The following ITGB3 variants were observed in gnomAD, a reference collection of about 807,000 sequenced individuals.
The protein encoded by ITGB3 is integrin beta-3.
In ITGB3, 48 loss-of-function variants were observed where a neutral mutation model predicts 85.8. The observed-to-expected ratio is 0.56, with a 90% confidence interval of 0.44 to 0.71. The LOEUF is 0.71. Ranked by LOEUF, ITGB3 falls within the 30% of genes least tolerant of loss-of-function variation. The pLI is 0.00. For synonymous variants in ITGB3, 363 were observed against 395.6 expected (o/e 0.92, Z 0.98); for missense variants, 861 against 1,019.1 (o/e 0.84, Z 2.11).
At chr17:47,253,966 G>A (rs1850463839) in intron 1 of ITGB3, 26 bp downstream of exon 1, 2 of 1,362,606 alleles carry the variant, frequency 1.5e-6, no homozygotes, top group Non-Finnish European at 1.9e-6. Flanking sequence ...GCTCGGCAGC[G>A]TCGCAGCTGC....
At chr17:47,290,411 A>G (rs2065120459) in intron 8 of ITGB3, 137 bp downstream of exon 8, 6 of 787,522 alleles carry the variant, frequency 7.6e-6, no homozygotes, top group African/African-American at 1.7e-5. Context: ...CCCAGAGCCC[A>G]GGCAATGGCC....
chr17:47,283,547 C>G lies in ITGB3; in HGVS notation c.359C>G (p.Pro120Arg). The G allele has an allele frequency of 1.2e-6, 2 of 1,614,144 alleles. No homozygotes were observed. The highest frequency in any genetic ancestry group is 1.7e-6 in the Non-Finnish European group (2 of 1,180,016). The change falls in exon 3 of 15, where the codon CCA becomes CGA. Residue 120 changes from proline to arginine, a missense_variant and splice_region_variant. Coordinates refer to ENST00000559488, the MANE Select transcript of ITGB3 (RefSeq NM_000212.3). Reference sequence around the variant, plus strand: ...CAGAGGATTGCACTCCGGCTCCGGCCAGGTAGGGCTGGGACTCTTTGCGGG... The same window carrying G: ...CAGAGGATTGCACTCCGGCTCCGGCGAGGTAGGGCTGGGACTCTTTGCGGG... ...SPQRIALRLR[P>R]DDSKNFSIQV...
chr17:47,313,456 C>T lies in ITGB3; in HGVS notation c.*3252C>T, dbSNP rs1004096548. Among the ~76,000 whole-genome samples, 3 of 150,422 alleles carry T rather than the reference C, an allele frequency of 2.0e-5. No individual in the cohort carries two copies. The highest frequency in any genetic ancestry group is 7.3e-5 in the African/African-American group (3 of 40,868). The stretch of plus-strand genomic sequence containing the variant: ...TCGCCTCCCGGGTTCACGCCATTCT[C>T]CTGCCTCAGCCTCCCGAGTAGCTGG... On this transcript the variant is annotated 3_prime_UTR_variant, in exon 15 of 15. Coordinates refer to ENST00000559488, the MANE Select transcript of ITGB3 (RefSeq NM_000212.3).
Position 47,313,134 on chromosome 17 carries a change from C to T in ITGB3, c.*2930C>T, listed in dbSNP as rs555188719. On this transcript the variant is annotated 3_prime_UTR_variant, in exon 15 of 15. Transcript: ENST00000559488. ...GATTACAGGCACCCGCCACCACACC[C>T]GGCTAATTTTTGTATTTTTAGTAGA... Among the ~76,000 whole-genome samples, 50 of 148,690 alleles carry T rather than the reference C, an allele frequency of 3.4e-4. No homozygotes were observed. The highest frequency in any genetic ancestry group is 3.8e-3 in the Middle Eastern group (1 of 264).
chr17:47,260,899 G>A (rs4060813), intron 1 of ITGB3, among the ~76,000 whole-genome samples: 19,701 of 151,738 alleles, frequency 0.13, 1,621 homozygotes, highest in East Asian at 0.3. Context: ...AAATATGTGC[G>A]CATTGTGGAA....
At chr17:47,283,245 C>T in intron 2 of ITGB3, 109 bp from the exon 3 acceptor site, 1 of 1,020,134 alleles carries the variant, frequency 9.8e-7, no homozygotes, top group Non-Finnish European at 1.5e-6. Flanking sequence ...GTTTATGCTC[C>T]AATGTACGGG....
chr17:47,309,994 A>G, intron 14 of ITGB3, 145 bp from the exon 15 acceptor site: 1 of 730,492 alleles, frequency 1.4e-6, no homozygotes, highest in Non-Finnish European at 2.4e-6. Context: ...CTAAAGTGTG[A>G]GCAAAATGAA....
At chr17:47,289,275 T>G (rs1054254357) in intron 6 of ITGB3, among the ~76,000 whole-genome samples, 1 of 152,140 alleles carries the variant, frequency 6.6e-6, no homozygotes, top group Non-Finnish European at 1.5e-5. Flanking sequence ...CGTCTATCCC[T>G]GGAGTTCACA....
intron 12 of ITGB3, among the ~76,000 whole-genome samples, chr17:47,302,373 T>C (rs559525682): frequency 4.3e-4 from 65 of 152,306 alleles, no homozygotes; most frequent in African/African-American, 1.5e-3. Context: ...ATTTTCTTTT[T>C]ATAGATGAAG....
Position 47,310,247 on chromosome 17 carries a change from A to G in ITGB3, c.*43A>G. On this transcript the variant is annotated 3_prime_UTR_variant, in exon 15 of 15. Transcript: ENST00000559488. Reference sequence around the variant, plus strand: ...CAGATCATTATCAGCCTGTGCCACGATTGCAGGAGTCCCTGCCATCATGTT... The same window carrying G: ...CAGATCATTATCAGCCTGTGCCACGGTTGCAGGAGTCCCTGCCATCATGTT... 1 of 1,553,904 alleles carries G rather than the reference A, an allele frequency of 6.4e-7. No homozygotes were observed. Among genetic ancestry groups the G allele is most frequent in the Non-Finnish European group, 8.9e-7 (1 of 1,125,512 alleles).
rs2065225725 is a variant in ITGB3 at position 47,313,725 on chromosome 17, AT to A, written c.*3522del. On this transcript the variant is annotated 3_prime_UTR_variant, in exon 15 of 15. Coordinates refer to ENST00000559488, the MANE Select transcript of ITGB3 (RefSeq NM_000212.3). ...TTGGGTTTGTGCAACAGTAAATTAA[AT>A]GTACTTTCCAAAAAGAATTGGCCTA... is the stretch of plus-strand genomic sequence containing the variant. Among the ~76,000 whole-genome samples, 1 of 152,152 alleles carries A rather than the reference AT, an allele frequency of 6.6e-6. No individual in the cohort carries two copies. The highest frequency in any genetic ancestry group is 1.5e-5 in the Non-Finnish European group (1 of 68,024).
intron 2 of ITGB3, among the ~76,000 whole-genome samples, chr17:47,282,075 A>G (rs2065085658): frequency 6.6e-6 from 1 of 151,970 alleles, no homozygotes; most frequent in Admixed American, 6.6e-5. Flanking sequence ...CCGTCTCCCA[A>G]GTAGCTGGGA....
At position 47,299,371 on chromosome 17, in the gene ITGB3, A is replaced by G. The variant is rs769897880; in HGVS notation, c.1754A>G (p.Asn585Ser). Residue 585 changes from asparagine to serine, a missense_variant, in exon 11 of 15, where the codon AAC becomes AGC. Physicochemically the swap from Asn to Ser is conservative, Grantham distance 46 (BLOSUM62 1). Transcript: ENST00000559488. This position sits in a 1 kb window ranked among gnomAD's most constrained non-coding sequence, Gnocchi z 5.1. ...TCCGACTGGACCGGCTACTACTGCA[A>G]CTGTACCACGCGTACTGACACCTGC... ...CDSDWTGYYC[N>S]CTTRTDTCMS... The G allele has an allele frequency of 3.7e-6, 6 of 1,614,218 alleles. No individual in the cohort carries two copies. Among genetic ancestry groups the G allele is most frequent in the East Asian group, 2.2e-5 (1 of 44,886 alleles).
intron 2 of ITGB3, among the ~76,000 whole-genome samples, chr17:47,283,026 C>T (rs2065089221): frequency 2.0e-5 from 3 of 152,114 alleles, no homozygotes; most frequent in African/African-American, 7.2e-5. Context: ...CTAGCTACAA[C>T]TCCATGAATA....
chr17:47,285,505 C>A (rs938096248), intron 4 of ITGB3, among the ~76,000 whole-genome samples: 2 of 152,000 alleles, frequency 1.3e-5, no homozygotes, highest in South Asian at 4.1e-4. Flanking sequence ...GTCCCCAGGA[C>A]TACAGGGAGG....
In ITGB3 at chr17:47,307,512, G is replaced by C; in HGVS notation, c.2176G>C (p.Val726Leu). The C allele has an allele frequency of 6.2e-7, 1 of 1,614,170 alleles. No individual in the cohort carries two copies. The highest frequency in any genetic ancestry group is 8.5e-7 in the Non-Finnish European group (1 of 1,180,034). ...GPDILVVLLS[V>L]MGAILLIGLA... ...TGACATCCTGGTGGTCCTGCTCTCA[G>C]TGATGGGGGCCATTCTGCTCATTGG... The change falls in exon 14 of 15, where the codon GTG becomes CTG. Residue 726 changes from valine (V) to leucine (L), a missense_variant. Val to Leu is a conservative substitution (Grantham distance 32, BLOSUM62 1). Coordinates refer to ENST00000559488, the MANE Select transcript of ITGB3 (RefSeq NM_000212.3).
intron 14 of ITGB3, among the ~76,000 whole-genome samples, chr17:47,308,327 C>T (rs1271945824): frequency 2.0e-5 from 3 of 152,020 alleles, no homozygotes; most frequent in African/African-American, 7.2e-5. Flanking sequence ...CACATTTCAA[C>T]TTTTTTCCTC....
chr17:47,262,210 G>A (rs2065010811), intron 1 of ITGB3, among the ~76,000 whole-genome samples: 2 of 152,202 alleles, frequency 1.3e-5, no homozygotes, highest in South Asian at 4.1e-4. Context: ...AAGGACTGGT[G>A]TTAGCACCGC....
At chr17:47,295,580 C>T (rs1255269823) in intron 10 of ITGB3, among the ~76,000 whole-genome samples, 2 of 152,186 alleles carry the variant, frequency 1.3e-5, no homozygotes, top group Non-Finnish European at 2.9e-5. Context: ...TGACCTGTCA[C>T]TTCCACTCCC....
Sources: allele counts gnomAD v4.1 joint callset (sites outside exome capture counted in the v4.1 genomes callset), GRCh38; gene constraint gnomAD v4.1.1; non-coding constraint Gnocchi (gnomAD v3.1); transcripts MANE v1.5; gene names NCBI Gene and HGNC (gene_info 2026-07-23, HGNC 2026-07-21).